FMN2: variants seen among roughly 807,000 people sequenced by gnomAD.
FMN2 encodes the protein formin-2.
In FMN2, 51 loss-of-function variants were observed where a neutral mutation model predicts 142.3. The observed-to-expected ratio is 0.36, with a 90% confidence interval of 0.29 to 0.45. The LOEUF (loss-of-function observed/expected upper bound fraction) is 0.45, where lower values mean the gene tolerates loss of function less well. Ranked by LOEUF, FMN2 falls within the 20% of genes least tolerant of loss-of-function variation. The pLI is 1.00. For synonymous variants in FMN2, 882 were observed against 869.8 expected, an observed-to-expected ratio of 1.01 and a Z score of -0.25; for missense variants, 1,936 against 2,122.8, an observed-to-expected ratio of 0.91 and a Z score of 1.73.
At position 240,372,516 on chromosome 1, in the gene FMN2, A is replaced by G. The variant is rs145398912; in HGVS notation, c.4858+16608A>G. Among the ~76,000 whole-genome samples, 359 of 151,214 alleles carry G rather than the reference A, an allele frequency of 2.4e-3. 5 individuals are homozygous for G. The highest frequency in any genetic ancestry group is 8.3e-3 in the African/African-American group (344 of 41,370). ...GCTTATATTTTTATAGATGGAATAT[A>G]TTATATATTTTGTATATATTATATA... On this transcript the variant is annotated intron_variant, in intron 14 of 17. Coordinates refer to ENST00000319653, the MANE Select transcript of FMN2 (RefSeq NM_020066.5).
At chr1:240,343,246 T>C (rs1461957500) in intron 13 of FMN2, among the ~76,000 whole-genome samples, 2 of 152,230 alleles carry the variant, frequency 1.3e-5, no homozygotes, top group South Asian at 2.1e-4. Flanking sequence ...CTATGACTAC[T>C]CTGTGTCACT....
At chr1:240,337,254 G>A (rs1415547608) in intron 13 of FMN2, among the ~76,000 whole-genome samples, 1 of 138,714 alleles carries the variant, frequency 7.2e-6, no homozygotes, top group African/African-American at 2.8e-5. Flanking sequence ...TGTCACCCAG[G>A]CTGGAGTGCA....
At chr1:240,445,345 A>G (rs1675769570) in intron 16 of FMN2, among the ~76,000 whole-genome samples, 1 of 152,242 alleles carries the variant, frequency 6.6e-6, no homozygotes, top group Non-Finnish European at 1.5e-5. Context: ...AATCAGTGCT[A>G]TGAGGAAAAT....
intron 4 of FMN2, among the ~76,000 whole-genome samples, chr1:240,194,585 A>G (rs1299238291): frequency 6.6e-6 from 1 of 152,218 alleles, no homozygotes; most frequent in African/African-American, 2.4e-5. Flanking sequence ...AGCTGTGTCT[A>G]CTAACTGGCA....
Position 240,366,536 on chromosome 1 carries a change from CT to C in FMN2, c.4858+10642del, listed in dbSNP as rs36063372. On this transcript the variant is annotated intron_variant, in intron 14 of 17. Transcript: ENST00000319653. ...CACAGATTGTCTATCCTATTCTATCCTTTTTTTTTTTTTTAAATTTGAGATG... is the reference window on the plus strand; with the variant it reads ...CACAGATTGTCTATCCTATTCTATCCTTTTTTTTTTTTTAAATTTGAGATG... Among the ~76,000 whole-genome samples, 605 of 143,504 alleles carry C rather than the reference CT, an allele frequency of 4.2e-3. 2 individuals carry two copies. Among genetic ancestry groups the C allele is most frequent in the African/African-American group, 0.012 (455 of 38,754 alleles). 94.1% of individuals were successfully genotyped at this position (143,504 alleles called of 152,430 possible).
At chr1:240,140,903 G>C (rs1663153255) in intron 2 of FMN2, among the ~76,000 whole-genome samples, 1 of 152,226 alleles carries the variant, frequency 6.6e-6, no homozygotes, top group Admixed American at 6.5e-5. Context: ...AAATTGGCAA[G>C]TGAAGACATT....
At chr1:240,314,456 C>T (rs1036147412) in intron 8 of FMN2, among the ~76,000 whole-genome samples, 1 of 151,920 alleles carries the variant, frequency 6.6e-6, no homozygotes, top group Admixed American at 6.6e-5. Context: ...TATGTACTGA[C>T]CTGAAATGAA....
At chr1:240,359,383 T>C (rs1050333934) in intron 14 of FMN2, among the ~76,000 whole-genome samples, 4 of 152,180 alleles carry the variant, frequency 2.6e-5, no homozygotes, top group Non-Finnish European at 5.9e-5. Flanking sequence ...TCTTTTTTAA[T>C]GTGCCTCATC....
chr1:240,370,474 G>T (rs1171702053), intron 14 of FMN2, among the ~76,000 whole-genome samples: 1 of 152,098 alleles, frequency 6.6e-6, no homozygotes, highest in East Asian at 1.9e-4. Context: ...AAAAGCAAAA[G>T]ATTATGGTAA....
chr1:240,429,098 G>T (rs984868183), intron 15 of FMN2, among the ~76,000 whole-genome samples: 1 of 152,106 alleles, frequency 6.6e-6, no homozygotes, highest in Non-Finnish European at 1.5e-5. Context: ...CAGTTTTCAT[G>T]TGTGAGATGA....
intron 7 of FMN2, among the ~76,000 whole-genome samples, chr1:240,290,485 C>T (rs1669742662): frequency 1.3e-5 from 2 of 152,146 alleles, no homozygotes; most frequent in Non-Finnish European, 2.9e-5. Context: ...AATGTGTTTA[C>T]AGGTAACATA....
At chr1:240,216,657 A>G (rs979756708) in intron 6 of FMN2, among the ~76,000 whole-genome samples, 5 of 152,232 alleles carry the variant, frequency 3.3e-5, no homozygotes, top group African/African-American at 1.2e-4. Context: ...TAAGGATTAG[A>G]TATTTGGTAT....
At chr1:240,371,450 C>A (rs575997756) in intron 14 of FMN2, among the ~76,000 whole-genome samples, 1 of 152,130 alleles carries the variant, frequency 6.6e-6, no homozygotes, top group Non-Finnish European at 1.5e-5. Flanking sequence ...CAATTACATT[C>A]TTTAGTGACT....
At chr1:240,104,456 A>G (rs113704287) in intron 1 of FMN2, among the ~76,000 whole-genome samples, 1 of 152,248 alleles carries the variant, frequency 6.6e-6, no homozygotes, top group Non-Finnish European at 1.5e-5. Context: ...ACACACTCGC[A>G]TCATCAGTCC....
intron 13 of FMN2, among the ~76,000 whole-genome samples, chr1:240,353,714 T>G (rs938785666): frequency 6.6e-6 from 1 of 152,222 alleles, no homozygotes; most frequent in African/African-American, 2.4e-5. Context: ...AATCATCTAC[T>G]TCAAAGGGTT....
chr1:240,131,012 A>C (rs551479618), intron 2 of FMN2, among the ~76,000 whole-genome samples: 1 of 152,304 alleles, frequency 6.6e-6, no homozygotes, highest in Non-Finnish European at 1.5e-5. Flanking sequence ...TAAAGAAATA[A>C]ACACATGGAA....
At chr1:240,184,825 C>G (rs1665332466) in intron 3 of FMN2, among the ~76,000 whole-genome samples, 1 of 151,854 alleles carries the variant, frequency 6.6e-6, no homozygotes, top group African/African-American at 2.4e-5. Context: ...AGGCTGATAT[C>G]TCAGATTCAC....
intron 6 of FMN2, among the ~76,000 whole-genome samples, chr1:240,224,973 G>A (rs966471721): frequency 6.6e-6 from 1 of 152,076 alleles, no homozygotes. Flanking sequence ...GGTGCTTTTT[G>A]GAGGAAGGAA....
At position 240,206,833 on chromosome 1, in the gene FMN2, C is replaced by G. The variant is rs1273265480; in HGVS notation, c.2021C>G (p.Thr674Ser). ...GACATGAAGTCTGAGGGACAGGCCA[C>G]TGTAATTCAGCAGCTGGAACAGACT... ...VVDMKSEGQATVIQQLEQTIE... is the reference protein window; with the variant it reads ...VVDMKSEGQASVIQQLEQTIE... The change falls in exon 5 of 18, where the codon ACT becomes AGT. Residue 674 changes from threonine to serine, a missense_variant. Transcript: ENST00000319653. 2 of 1,613,808 alleles carry G rather than the reference C, an allele frequency of 1.2e-6. No individual in the cohort carries two copies. Among genetic ancestry groups the G allele is most frequent in the Non-Finnish European group, 1.7e-6 (2 of 1,179,826 alleles).
Sources: gnomAD v4.1 joint callset for allele counts (sites outside exome capture counted in the v4.1 genomes callset) on GRCh38, gnomAD v4.1.1 for gene constraint, MANE v1.5 for transcripts, NCBI Gene and HGNC (gene_info 2026-07-23, HGNC 2026-07-21) for gene names.